IQGAP1: variants seen among roughly 807,000 people sequenced by gnomAD.
IQGAP1 encodes ras GTPase-activating-like protein IQGAP1.
Under a neutral mutation model 215.6 loss-of-function variants are expected in IQGAP1, and 66 were observed. That is an observed-to-expected ratio of 0.31 (90% CI 0.25 to 0.38). The LOEUF (loss-of-function observed/expected upper bound fraction) is 0.38. Ranked by LOEUF, IQGAP1 falls within the 10% of genes least tolerant of loss-of-function variation. IQGAP1 has a pLI of 1.00. For missense variants in IQGAP1, 1,712 were observed against 1,997.1 expected (o/e 0.86, Z 2.72); for synonymous variants, 772 against 728.7 (o/e 1.06, Z -0.96).
intron 2 of IQGAP1, among the ~76,000 whole-genome samples, chr15:90,401,226 C>CT (rs897010493): frequency 6.6e-6 from 1 of 151,334 alleles, no homozygotes; most frequent in African/African-American, 2.4e-5. Context: ...TTTGACAGTG[C>CT]GTGAATTAAA....
intron 2 of IQGAP1, among the ~76,000 whole-genome samples, chr15:90,399,733 G>T (rs750520173): frequency 3.9e-5 from 6 of 152,020 alleles, no homozygotes; most frequent in African/African-American, 1.4e-4. Context: ...AACTTATCCC[G>T]AACTTCTGGC....
rs1196241525 is a variant in IQGAP1, at chr15:90,476,669, G to A, written c.2791G>A (p.Val931Ile). The change falls in exon 24 of 38, where the codon GTT becomes ATT. Residue 931 changes from valine to isoleucine, a missense_variant. Physicochemically the swap from Val to Ile is conservative, Grantham distance 29. Coordinates refer to ENST00000268182, the MANE Select transcript of IQGAP1 (RefSeq NM_003870.4). Reference protein sequence around the residue: ...VKNKITLQDVVSHSKKLTKKN... With the variant: ...VKNKITLQDVISHSKKLTKKN... ...TATTGGTTTTTGTTTATAGGATGTGGTTTCCCACAGTAAAAAACTTACCAA... is the reference window on the plus strand; with the variant it reads ...TATTGGTTTTTGTTTATAGGATGTGATTTCCCACAGTAAAAAACTTACCAA... 6.3e-7 allele frequency: 1 copy of A among 1,578,284 alleles called. No homozygotes were observed.
rs1596282005 is a variant in IQGAP1 at position 90,468,922 on chromosome 15, C to G, written c.2178+1330C>G. On this transcript the variant is annotated intron_variant, in intron 18 of 37. Coordinates refer to ENST00000268182, the MANE Select transcript of IQGAP1 (RefSeq NM_003870.4). ...ATGAATCTTTTTAAAATTTCCTTTC[C>G]TTACCCCCTTCATCTTCCTTTGAAG... 2.0e-5 allele frequency among the ~76,000 whole-genome samples: 3 copies of G among 152,316 alleles called. No homozygotes were observed. In the East Asian group the frequency reaches 5.8e-4, roughly 29 times the overall value.
intron 11 of IQGAP1, among the ~76,000 whole-genome samples, chr15:90,450,892 A>G (rs1347018268): frequency 1.3e-5 from 2 of 150,990 alleles, no homozygotes; most frequent in East Asian, 1.9e-4. Context: ...ATCGTTTGCA[A>G]ATGTTTTCTC....
rs1966137614 is a variant in IQGAP1 at position 90,487,097 on chromosome 15, TC to T, written c.4160+9del. 1 of 1,613,652 alleles carries T rather than the reference TC, an allele frequency of 6.2e-7. No homozygotes were observed. Among genetic ancestry groups the T allele is most frequent in the African/African-American group, 1.3e-5 (1 of 74,890 alleles). ...TCGAACCATCTTACTGAAGTGAGTA[TC>T]AAAAGAAGGAAGAATGAAATGAATG... On this transcript the variant is annotated intron_variant, in intron 32 of 37. Transcript: ENST00000268182.
At chr15:90,483,875 A>G (rs1966091058) in intron 29 of IQGAP1, among the ~76,000 whole-genome samples, 1 of 152,228 alleles carries the variant, frequency 6.6e-6, no homozygotes, top group African/African-American at 2.4e-5. Flanking sequence ...GAAGAATTGG[A>G]GAATGCTTTT....
intron 33 of IQGAP1, among the ~76,000 whole-genome samples, chr15:90,489,896 G>T (rs1394104125): frequency 6.6e-6 from 1 of 152,072 alleles, no homozygotes; most frequent in African/African-American, 2.4e-5. Flanking sequence ...CCCATGAGTC[G>T]AGTCTTTTCA....
intron 23 of IQGAP1, 76 bp downstream of exon 23, chr15:90,474,769 G>A (rs1051062356): frequency 1.8e-6 from 2 of 1,129,784 alleles, no homozygotes; most frequent in Non-Finnish European, 2.7e-6. Flanking sequence ...TTTCTGACTG[G>A]TGGGGAGGGT....
chr15:90,461,805 T>G (rs1368956253), intron 15 of IQGAP1, among the ~76,000 whole-genome samples: 1 of 149,344 alleles, frequency 6.7e-6, no homozygotes, highest in Non-Finnish European at 1.5e-5. Flanking sequence ...CCAGCCTGGG[T>G]GACAGCGAAG....
intron 2 of IQGAP1, among the ~76,000 whole-genome samples, chr15:90,402,639 G>T (rs1964819226): frequency 6.6e-6 from 1 of 152,142 alleles, no homozygotes. Context: ...AAAAGTGTCA[G>T]ACTATTGCTT....
chr15:90,476,603 C>A, intron 23 of IQGAP1, 60 bp from the exon 24 acceptor site: 1 of 1,342,156 alleles, frequency 7.5e-7, no homozygotes, highest in Non-Finnish European at 1.0e-6. Context: ...AACCTTTCCT[C>A]AATGCCCAGA....
intron 11 of IQGAP1, among the ~76,000 whole-genome samples, chr15:90,451,977 G>A (rs1457793468): frequency 6.6e-6 from 1 of 151,990 alleles, no homozygotes; most frequent in South Asian, 2.1e-4. Flanking sequence ...TTACAGGCAC[G>A]TGCCACCACA....
chr15:90,418,250 G>GA (rs1329914876), intron 2 of IQGAP1, among the ~76,000 whole-genome samples: 1 of 151,812 alleles, frequency 6.6e-6, no homozygotes, highest in Non-Finnish European at 1.5e-5. Flanking sequence ...AAATACTTAG[G>GA]AAAAAAACTT....
At chr15:90,478,188 A>G (rs1209413321) in intron 26 of IQGAP1, among the ~76,000 whole-genome samples, 1 of 151,948 alleles carries the variant, frequency 6.6e-6, no homozygotes, top group Admixed American at 6.6e-5. Flanking sequence ...ACTGGGTTTC[A>G]CCATGTTGGC....
Position 90,439,406 on chromosome 15 carries a change from A to C in IQGAP1, c.535+7A>C, listed in dbSNP as rs201447382. The C allele has an allele frequency of 1.2e-6, 2 of 1,608,792 alleles. No homozygotes were observed. The highest frequency in any genetic ancestry group is 1.7e-6 in the Non-Finnish European group (2 of 1,175,974). On this transcript the variant is annotated splice_region_variant and intron_variant, in intron 6 of 37. Coordinates refer to ENST00000268182, the MANE Select transcript of IQGAP1 (RefSeq NM_003870.4). ...GGAAAGGTTGACTTCACAGGTAAGG[A>C]GTTAGATACTTGGCAGGAAATGCTT...
intron 2 of IQGAP1, among the ~76,000 whole-genome samples, chr15:90,417,092 A>G (rs1020913808): frequency 1.2e-4 from 18 of 152,256 alleles, no homozygotes; most frequent in African/African-American, 4.3e-4. Context: ...AGTTCTTTGT[A>G]GATTCTGGAT....
At chr15:90,419,336 C>A (rs1473905493) in intron 2 of IQGAP1, among the ~76,000 whole-genome samples, 1 of 152,130 alleles carries the variant, frequency 6.6e-6, no homozygotes, top group Admixed American at 6.5e-5. Context: ...GGCTTCATGT[C>A]TGCCACATGG....
rs971537582 is a variant in IQGAP1, at chr15:90,411,741, A to T, written c.156-14369A>T. 1.3e-4 allele frequency among the ~76,000 whole-genome samples: 20 copies of T among 152,130 alleles called. 1 individual carries two copies. The highest frequency in any genetic ancestry group is 1.2e-3 in the Admixed American group (18 of 15,268). On this transcript the variant is annotated intron_variant, in intron 2 of 37. Transcript: ENST00000268182. Reference sequence around the variant, plus strand: ...AGATTTAACTCAGTTTTGGAATTTCATTTCATTTCATTTAAGATTAAAAGG... The same window carrying T: ...AGATTTAACTCAGTTTTGGAATTTCTTTTCATTTCATTTAAGATTAAAAGG...
intron 18 of IQGAP1, among the ~76,000 whole-genome samples, chr15:90,469,128 T>C (rs1220351789): frequency 1.3e-5 from 2 of 152,230 alleles, no homozygotes; most frequent in Admixed American, 1.3e-4. Flanking sequence ...AGTTTTAACT[T>C]GGTGCTGCAC....
Sources: allele counts gnomAD v4.1 joint callset (sites outside exome capture counted in the v4.1 genomes callset), GRCh38; gene constraint gnomAD v4.1.1; transcripts MANE v1.5; gene names NCBI Gene and HGNC (gene_info 2026-07-23, HGNC 2026-07-21).